The following CDCA5 variants were observed in gnomAD, a reference collection of about 807,000 sequenced individuals.
The protein encoded by CDCA5 is sororin.
CDCA5 carries 14 observed loss-of-function variants against 25.7 expected under a neutral mutation model. The observed-to-expected ratio is 0.54, with a 90% CI of 0.36 to 0.85. CDCA5 has a LOEUF of 0.85. Ranked by LOEUF, CDCA5 falls within the 40% of genes least tolerant of loss-of-function variation. The pLI is 0.01. For missense variants in CDCA5, 307 were observed against 324.5 expected, an observed-to-expected ratio of 0.95 and a Z score of 0.41; for synonymous variants, 127 against 128.7, an observed-to-expected ratio of 0.99 and a Z score of 0.09.
chr11:65,078,858 G>C lies in CDCA5; in HGVS notation c.*249C>G, dbSNP rs1947497164. The C allele has an allele frequency of 8.2e-7, 1 of 1,214,878 alleles. No individual in the cohort carries two copies. Among genetic ancestry groups the C allele is most frequent in the Admixed American group, 4.1e-5 (1 of 24,532 alleles). The allele number at this position is 1,214,878 out of a possible 1,614,324, so 75.3% of individuals were successfully genotyped here. On this transcript the variant is annotated 3_prime_UTR_variant, in exon 6 of 6. Coordinates refer to ENST00000275517, the MANE Select transcript of CDCA5 (RefSeq NM_080668.4). Reference sequence around the variant, plus strand: ...GAAACTGGCTATGGTACTTTGGGGAGATAGGAAGGACAGGACGACAAGAGA... The same window carrying C: ...GAAACTGGCTATGGTACTTTGGGGACATAGGAAGGACAGGACGACAAGAGA...
At chr11:65,077,023 C>T (rs1013353012), downstream of CDCA5, among the ~76,000 whole-genome samples, 1 of 152,176 alleles carries the variant, frequency 6.6e-6, no homozygotes, top group African/African-American at 2.4e-5. Flanking sequence ...CGCAGTGGCT[C>T]ACGCCTGTAA....
downstream of CDCA5, among the ~76,000 whole-genome samples, chr11:65,063,183 T>C (rs1393450550): frequency 6.6e-6 from 1 of 152,206 alleles, no homozygotes; most frequent in Non-Finnish European, 1.5e-5. Flanking sequence ...ATAGGACACC[T>C]GCGTAACAGG....
At chr11:65,069,694 G>A (rs895375489) in intron 1 of CDCA5, among the ~76,000 whole-genome samples, 4 of 152,182 alleles carry the variant, frequency 2.6e-5, no homozygotes, top group East Asian at 1.9e-4. Flanking sequence ...TCACATGGAC[G>A]ACCACAGTAG....
intron 1 of CDCA5, among the ~76,000 whole-genome samples, chr11:65,070,371 T>C (rs1279950360): frequency 6.6e-6 from 1 of 152,152 alleles, no homozygotes; most frequent in Non-Finnish European, 1.5e-5. Context: ...ACCACAAAAG[T>C]GGGTCTTAAC....
In CDCA5 at chr11:65,079,540, G is replaced by C; in HGVS notation, c.491C>G (p.Ser164Cys). The C allele has an allele frequency of 6.2e-7, 1 of 1,614,108 alleles. No individual in the cohort carries two copies. Among genetic ancestry groups the C allele is most frequent in the South Asian group, 1.1e-5 (1 of 91,076 alleles). ...CAGCAGCCCCTCGAAGCCAAAGCAG[G>C]ACCGGCGGCCTGGGGTGGAGGTAGA... ...SASTSTPGRRSCFGFEGLLGA... is the reference protein window; with the variant it reads ...SASTSTPGRRCCFGFEGLLGA... Residue 164 changes from serine (S) to cysteine (C), a missense_variant, in exon 5 of 6, where the codon TCC becomes TGC. Coordinates refer to ENST00000275517, the MANE Select transcript of CDCA5 (RefSeq NM_080668.4).
downstream of CDCA5, among the ~76,000 whole-genome samples, chr11:65,073,583 C>T (rs1448275614): frequency 6.6e-6 from 1 of 152,168 alleles, no homozygotes; most frequent in East Asian, 1.9e-4. Context: ...TCGCAGCCTG[C>T]GGTGGGTCTG....
chr11:65,069,332 C>T (rs913738582), intron 1 of CDCA5, among the ~76,000 whole-genome samples: 1 of 151,478 alleles, frequency 6.6e-6, no homozygotes, highest in Non-Finnish European at 1.5e-5. Context: ...GGCCAAGTAA[C>T]CACAGACATG....
At chr11:65,065,542 G>A (rs1024475628), downstream of CDCA5, among the ~76,000 whole-genome samples, 1 of 152,074 alleles carries the variant, frequency 6.6e-6, no homozygotes, top group African/African-American at 2.4e-5. Context: ...CCCACCTCGG[G>A]CTCCCAAAGT....
intron 4 of CDCA5, 176 bp downstream of exon 4, chr11:65,083,188 T>C: frequency 3.0e-6 from 2 of 664,446 alleles, no homozygotes; most frequent in Non-Finnish European, 5.3e-6. Context: ...AAAAGTTAAG[T>C]GTATTAAGTC....
intron 1 of CDCA5, among the ~76,000 whole-genome samples, chr11:65,068,925 G>A (rs1375124388): frequency 1.3e-5 from 2 of 152,176 alleles, no homozygotes; most frequent in African/African-American, 4.8e-5. Context: ...TTATCTGGCA[G>A]TCCTGCCAAA....
chr11:65,065,393 T>G (rs1947223552), downstream of CDCA5, among the ~76,000 whole-genome samples: 1 of 152,184 alleles, frequency 6.6e-6, no homozygotes, highest in South Asian at 2.1e-4. Flanking sequence ...ATTCAAGTGA[T>G]TCTCGTGCCT....
chr11:65,083,778 G>A, intron 1 of CDCA5, 55 bp from the exon 2 acceptor site: 2 of 1,577,120 alleles, frequency 1.3e-6, no homozygotes, highest in Middle Eastern at 1.7e-4. Context: ...TTAGAGTCCA[G>A]AGAACAGGTT....
At chr11:65,074,595 C>T (rs577438634), downstream of CDCA5, among the ~76,000 whole-genome samples, 25 of 151,996 alleles carry the variant, frequency 1.6e-4, no homozygotes, top group African/African-American at 5.8e-4. Flanking sequence ...TTTTAAAGGC[C>T]AGGCATGGTG....
At chr11:65,064,998 G>C (rs1310036870), downstream of CDCA5, among the ~76,000 whole-genome samples, 1 of 152,144 alleles carries the variant, frequency 6.6e-6, no homozygotes, top group Non-Finnish European at 1.5e-5. Flanking sequence ...TAGGAGTCTG[G>C]TGTAAGTCAA....
rs1196388283 is a variant in CDCA5 at position 65,078,313 on chromosome 11, C to T, written c.*794G>A. On this transcript the variant is annotated 3_prime_UTR_variant, in exon 6 of 6. Coordinates refer to ENST00000275517, the MANE Select transcript of CDCA5 (RefSeq NM_080668.4). The stretch of plus-strand genomic sequence containing the variant: ...CGTGGGCCCTGTGCAAGGGACCAGC[C>T]CAGAGGCCATGAGCCACAGAAACTC... The T allele has an allele frequency of 4.1e-6, 4 of 985,526 alleles. No homozygotes were observed. The highest frequency in any genetic ancestry group is 4.8e-6 in the Non-Finnish European group (4 of 829,988). 61.0% of individuals were successfully genotyped at this position (985,526 alleles called of 1,614,324 possible).
chr11:65,079,605 G>A lies in CDCA5; in HGVS notation c.426C>T (p.Val142=). The A allele has an allele frequency of 1.9e-6, 3 of 1,611,414 alleles. No individual in the cohort carries two copies. In the East Asian group the frequency reaches 6.7e-5, roughly 36 times the overall value. Residue 142 remains valine, a synonymous_variant, in exon 5 of 6, where the codon GTC becomes GTT. Coordinates refer to ENST00000275517, the MANE Select transcript of CDCA5 (RefSeq NM_080668.4). ...TCTCCAGCCGGCTGTAGGAACGCCT[G>A]ACTTTCTTAGACATTTCCAAGTCTC... ...DARDLEMSKK[V]RRSYSRLETL...
Position 65,077,763 on chromosome 11 carries a change from C to T in CDCA5, c.*1344G>A, listed in dbSNP as rs1381168830. ...GATGGCCTGGGACTCCCAGACCTGG[C>T]AGAGGGTTTTATTAGGGCCCGCCTG... On this transcript the variant is annotated 3_prime_UTR_variant, in exon 6 of 6. Transcript: ENST00000275517. 2.0e-6 allele frequency: 2 copies of T among 985,572 alleles called. No homozygotes were observed. Among genetic ancestry groups the T allele is most frequent in the East Asian group, 2.3e-4 (2 of 8,806 alleles). The allele number at this position is 985,572 out of a possible 1,614,324, so 61.1% of individuals were successfully genotyped here.
intron 1 of CDCA5, chr11:65,068,634 A>T: frequency 8.2e-7 from 1 of 1,216,560 alleles, no homozygotes; most frequent in Non-Finnish European, 1.1e-6. Flanking sequence ...AGTCACTCAC[A>T]TCTACCATCC....
intron 4 of CDCA5, among the ~76,000 whole-genome samples, chr11:65,081,471 G>A (rs923246584): frequency 2.6e-5 from 4 of 151,518 alleles, no homozygotes. Flanking sequence ...GGTGGTCACT[G>A]CTGACTACGA....
Sources: gnomAD v4.1 joint callset for allele counts (sites outside exome capture counted in the v4.1 genomes callset) on GRCh38, gnomAD v4.1.1 for gene constraint, MANE v1.5 for transcripts, NCBI Gene and HGNC (gene_info 2026-07-23, HGNC 2026-07-21) for gene names.